Variants in TXNIP observed in about 807,000 individuals in gnomAD.
The protein encoded by TXNIP is thioredoxin interacting protein.
A neutral mutation model predicts 43.9 loss-of-function variants in TXNIP; 23 were observed. The observed-to-expected ratio is 0.52, with a 90% confidence interval of 0.38 to 0.74. TXNIP has a LOEUF of 0.74. TXNIP is among the 30% of genes least tolerant of loss of function. TXNIP has a pLI of 0.00. For missense variants in TXNIP, 555 were observed against 485.4 expected (o/e 1.14, Z -1.35); for synonymous variants, 234 against 172.2 (o/e 1.36, Z -2.81).
intron 7 of TXNIP, 40 bp downstream of exon 7, chr1:145,993,976 A>C (rs782332531): frequency 1.2e-6 from 2 of 1,613,726 alleles, no homozygotes; most frequent in South Asian, 2.2e-5. Context: ...TCTTATAGAA[A>C]GCTTAGGACA....
chr1:145,995,662 C>CA, intron 1 of TXNIP, 186 bp from the exon 2 acceptor site: 1 of 655,688 alleles, frequency 1.5e-6, no homozygotes, highest in Non-Finnish European at 2.6e-6. Context: ...TGTCGGGCAG[C>CA]AAGTTGCCAA....
In TXNIP at chr1:145,996,061, T is replaced by C. The variant is rs199649755; in HGVS notation, c.206A>G (p.Tyr69Cys). 5.1e-5 allele frequency: 83 copies of C among 1,613,956 alleles called. No homozygotes were observed. Among genetic ancestry groups the C allele is most frequent in the Admixed American group, 1.5e-4 (9 of 60,000 alleles). Residue 69 changes from tyrosine (Y) to cysteine (C), a missense_variant, in exon 1 of 8, where the codon TAC becomes TGC. Transcript: ENST00000582401. ...GSQQCKQTSE[Y>C]LRYEDTLLLE... Reference sequence around the variant, plus strand: ...AAGAAGCGTGTCTTCATAGCGCAGGTACTCCGAAGTCTGTTTGCACTGCTG... The same window carrying C: ...AAGAAGCGTGTCTTCATAGCGCAGGCACTCCGAAGTCTGTTTGCACTGCTG...
In TXNIP at chr1:145,994,707, G is replaced by A. The variant is rs1553766128; in HGVS notation, c.668C>T (p.Ala223Val). 1 of 1,614,240 alleles carries A rather than the reference G, an allele frequency of 6.2e-7. No individual in the cohort carries two copies. The highest frequency in any genetic ancestry group is 2.2e-5 in the East Asian group (1 of 44,886). Reference sequence around the variant, plus strand: ...AGTCAGCACCTTGGTCTGGCCATTGGCAAGGTAAGTGTGGCGGGCCACAAT... The same window carrying A: ...AGTCAGCACCTTGGTCTGGCCATTGACAAGGTAAGTGTGGCGGGCCACAAT... ...AAIVARHTYL[A>V]NGQTKVLTQK... is the part of the protein sequence containing the mutation. The change falls in exon 5 of 8, where the codon GCC becomes GTC. Residue 223 changes from alanine to valine, a missense_variant. Transcript: ENST00000582401.
chr1:145,994,916 A>C lies in TXNIP; in HGVS notation c.574+13T>G. 6.2e-7 allele frequency: 1 copy of C among 1,614,182 alleles called. No homozygotes were observed. Among genetic ancestry groups the C allele is most frequent in the Non-Finnish European group, 8.5e-7 (1 of 1,180,018 alleles). ...AGTTCCTGTTTTAACTGCCATAAGC[A>C]CTAGGATTTTACCTTCACAGAATCC... On this transcript the variant is annotated intron_variant, in intron 4 of 7. Transcript: ENST00000582401.
intron 3 of TXNIP, 24 bp from the exon 4 acceptor site, chr1:145,995,055 T>C: frequency 6.2e-7 from 1 of 1,613,490 alleles, no homozygotes; most frequent in African/African-American, 1.3e-5. Flanking sequence ...GATAAAAAGG[T>C]GTTTTGAGAT....
rs1651325113 is a variant in TXNIP, at chr1:145,994,059, T to C, written c.1097A>G (p.Tyr366Cys). 1.2e-6 allele frequency: 2 copies of C among 1,614,142 alleles called. No homozygotes were observed. Among genetic ancestry groups the C allele is most frequent in the Admixed American group, 1.7e-5 (1 of 60,010 alleles). ...TGGCATGAACTTGAACTCAGGGGCA[T>C]ACATAAAGATAGGGCTGTCTTGAGA... is the stretch of plus-strand genomic sequence containing the variant. ...DGSQDSPIFM[Y>C]APEFKFMPPP... Residue 366 changes from tyrosine (Y) to cysteine (C), a missense_variant, in exon 7 of 8, where the codon TAT becomes TGT. By Grantham distance (194) the Tyr-to-Cys change is radical. Transcript: ENST00000582401.
At chr1:145,995,614 A>G (rs1343040478) in intron 1 of TXNIP, 138 bp from the exon 2 acceptor site, 19 of 808,162 alleles carry the variant, frequency 2.4e-5, no homozygotes, top group Middle Eastern at 2.3e-4. Context: ...TTTTTAATCC[A>G]TCCCATATTG....
chr1:145,993,441 C>T lies in TXNIP; in HGVS notation c.*410G>A. 6.2e-6 allele frequency: 1 copy of T among 162,284 alleles called. No individual in the cohort carries two copies. The highest frequency in any genetic ancestry group is 1.6e-4 in the South Asian group (1 of 6,302). 10.1% of individuals were successfully genotyped at this position (162,284 alleles called of 1,614,324 possible). A position where few individuals can be genotyped will look rare whatever the true frequency, so the allele number is the denominator to read the frequency against. On this transcript the variant is annotated 3_prime_UTR_variant, in exon 8 of 8. Transcript: ENST00000582401. Reference sequence around the variant, plus strand: ...AGTTTGTTAAATTGGCTCTTCTCCACATGATACGTAAGTTCAAGGTCCAAA... The same window carrying T: ...AGTTTGTTAAATTGGCTCTTCTCCATATGATACGTAAGTTCAAGGTCCAAA...
rs782620405 is a variant in TXNIP, at chr1:145,993,856, G to A, written c.1171C>T (p.Gln391Ter). ...VDPCILNNNV[Q>*] The stretch of plus-strand genomic sequence containing the variant: ...GCTTCTTTTCTTCCACATGCTCACT[G>A]CACATTGTTGTTGAGGATGCAGGGA... Residue 391 changes from glutamine to a stop codon, truncating the protein, a stop_gained, in exon 8 of 8, where the codon CAG becomes TAG. Coordinates refer to ENST00000582401, the MANE Select transcript of TXNIP (RefSeq NM_006472.6). LOFTEE classifies it high-confidence loss of function. 2 of 1,613,994 alleles carry A rather than the reference G, an allele frequency of 1.2e-6. No individual in the cohort carries two copies. Among genetic ancestry groups the A allele is most frequent in the Non-Finnish European group, 1.7e-6 (2 of 1,180,016 alleles).
At position 145,995,044 on chromosome 1, in the gene TXNIP, G is replaced by C; in HGVS notation, c.472-13C>G. On this transcript the variant is annotated splice_polypyrimidine_tract_variant and intron_variant, in intron 3 of 7. Transcript: ENST00000582401. Reference sequence around the variant, plus strand: ...CAGACACAGGTGCCTATATAGAAGGGGATAAAAAGGTGTTTTGAGATGCTT... The same window carrying C: ...CAGACACAGGTGCCTATATAGAAGGCGATAAAAAGGTGTTTTGAGATGCTT... The C allele has an allele frequency of 6.2e-7, 1 of 1,613,554 alleles. No homozygotes were observed. The highest frequency in any genetic ancestry group is 8.5e-7 in the Non-Finnish European group (1 of 1,179,878).
chr1:145,994,441 G>T lies in TXNIP; in HGVS notation c.832-4C>A. The T allele has an allele frequency of 6.2e-7, 1 of 1,613,624 alleles. No individual in the cohort carries two copies. Among genetic ancestry groups the T allele is most frequent in the Non-Finnish European group, 8.5e-7 (1 of 1,179,740 alleles). ...ATCCAGGAACGCTAACATAGATCTA[G>T]AAAGGAAGATGGCAGTTTATTACAC... On this transcript the variant is annotated splice_region_variant and splice_polypyrimidine_tract_variant and intron_variant, in intron 5 of 7. Coordinates refer to ENST00000582401, the MANE Select transcript of TXNIP (RefSeq NM_006472.6).
Position 145,995,509 on chromosome 1 carries a change from C to T in TXNIP, c.251-33G>A, listed in dbSNP as rs1651452125. On this transcript the variant is annotated intron_variant, in intron 1 of 7. Coordinates refer to ENST00000582401, the MANE Select transcript of TXNIP (RefSeq NM_006472.6). ...GAAAGAAAATCGAGTAGCCATTAGG[C>T]TTGCTGTTACACTTAAAATGCATCT... The T allele has an allele frequency of 5.6e-6, 9 of 1,601,176 alleles. No individual in the cohort carries two copies. In the East Asian group the frequency reaches 1.8e-4, roughly 32 times the overall value.
chr1:145,994,029 G>A lies in TXNIP; in HGVS notation c.1127C>T (p.Pro376Leu), dbSNP rs146111136. ...GACAATCCTCACCTCAGTATAAGTC[G>A]GTGGTGGCATGAACTTGAACTCAGG... ...YAPEFKFMPPPTYTEVDPCIL... is the reference protein window; with the variant it reads ...YAPEFKFMPPLTYTEVDPCIL... The change falls in exon 7 of 8, where the codon CCG (proline) becomes CTG (leucine). Residue 376 changes from proline (P) to leucine (L), a missense_variant. Pro to Leu is a moderately conservative substitution (Grantham distance 98). Coordinates refer to ENST00000582401, the MANE Select transcript of TXNIP (RefSeq NM_006472.6). 22 of 1,614,022 alleles carry A rather than the reference G, an allele frequency of 1.4e-5. No homozygotes were observed. The highest frequency in any genetic ancestry group is 1.6e-4 in the Middle Eastern group (1 of 6,084).
At position 145,996,056 on chromosome 1, in the gene TXNIP, G is replaced by T; in HGVS notation, c.211C>A (p.Arg71Ser). Reference protein sequence around the residue: ...QQCKQTSEYLRYEDTLLLEDQ... With the variant: ...QQCKQTSEYLSYEDTLLLEDQ... ...TCCAGAAGAAGCGTGTCTTCATAGC[G>T]CAGGTACTCCGAAGTCTGTTTGCAC... is the stretch of plus-strand genomic sequence containing the variant. Residue 71 changes from arginine (R) to serine (S), a missense_variant, in exon 1 of 8, where the codon CGC becomes AGC. Physicochemically the swap from Arg to Ser is moderately radical, Grantham distance 110 (BLOSUM62 -1). Transcript: ENST00000582401. 6.2e-7 allele frequency: 1 copy of T among 1,613,960 alleles called. No individual in the cohort carries two copies. Among genetic ancestry groups the T allele is most frequent in the Non-Finnish European group, 8.5e-7 (1 of 1,180,018 alleles).
intron 1 of TXNIP, chr1:145,995,803 C>T: frequency 1.5e-6 from 1 of 671,762 alleles, no homozygotes. Flanking sequence ...TCAGGATCCC[C>T]TTTAGGACAC....
At position 145,995,000 on chromosome 1, in the gene TXNIP, ACTTT is replaced by A; in HGVS notation, c.499_502del (p.Lys167PhefsTer63). On this transcript the variant is annotated frameshift_variant, in exon 4 of 8. Coordinates refer to ENST00000582401, the MANE Select transcript of TXNIP (RefSeq NM_006472.6). LOFTEE classifies it high-confidence loss of function. ...CCCATCAGGAATGAACATGCAGGAA[ACTTT>A]CTTTTCTTTTTTAGCAGACACAGGT... 3.7e-6 allele frequency: 6 copies of A among 1,614,164 alleles called. No homozygotes were observed. Among genetic ancestry groups the A allele is most frequent in the Non-Finnish European group, 5.1e-6 (6 of 1,180,034 alleles).
Position 145,995,297 on chromosome 1 carries a change from T to C in TXNIP, c.324-6A>G. 6.2e-7 allele frequency: 1 copy of C among 1,610,920 alleles called. No individual in the cohort carries two copies. The highest frequency in any genetic ancestry group is 8.5e-7 in the Non-Finnish European group (1 of 1,177,792). ...TGAAGGATGTTCCCAGAGGCCTGTGTCAAGAAAATGAAAATTTTAAAACGC... is the reference window on the plus strand; with the variant it reads ...TGAAGGATGTTCCCAGAGGCCTGTGCCAAGAAAATGAAAATTTTAAAACGC... On this transcript the variant is annotated splice_polypyrimidine_tract_variant and splice_region_variant and intron_variant, in intron 2 of 7. Coordinates refer to ENST00000582401, the MANE Select transcript of TXNIP (RefSeq NM_006472.6).
intron 1 of TXNIP, 126 bp from the exon 2 acceptor site, chr1:145,995,602 A>AT: frequency 1.2e-6 from 1 of 861,788 alleles, no homozygotes. Context: ...CCATATATAT[A>AT]TTTTTTAATC....
chr1:145,992,954 T>G lies in TXNIP; in HGVS notation c.*897A>C, dbSNP rs17215338. The G allele has an allele frequency of 1.3e-5, 2 of 152,674 alleles. No homozygotes were observed. The highest frequency in any genetic ancestry group is 2.9e-5 in the Non-Finnish European group (2 of 68,056). The allele number at this position is 152,674 out of a possible 1,614,324, so 9.5% of individuals were successfully genotyped here. ...GGCAATCTCAAAAGTAGTAAAATTT[T>G]TTTTGTCTTTTGGCTTAACCCTAGA... On this transcript the variant is annotated 3_prime_UTR_variant, in exon 8 of 8. Coordinates refer to ENST00000582401, the MANE Select transcript of TXNIP (RefSeq NM_006472.6).
Sources: gnomAD v4.1 joint callset for allele counts on GRCh38, gnomAD v4.1.1 for gene constraint, MANE v1.5 for transcripts, NCBI Gene and HGNC (gene_info 2026-07-23, HGNC 2026-07-21) for gene names.